Variants in PLXNA2 observed in about 807,000 individuals in gnomAD.
PLXNA2 encodes plexin A2, also known as plexin-A2.
A neutral mutation model predicts 193.5 loss-of-function variants in PLXNA2; 91 were observed. The ratio of observed to expected loss-of-function variants is 0.47; its 90% confidence interval spans 0.40 to 0.56. The LOEUF is 0.56. Among genes scored for constraint, PLXNA2 ranks in the 20% least tolerant of loss-of-function variants. The pLI is 0.00. For missense variants in PLXNA2, 1,995 were observed against 2,503.2 expected (o/e 0.80, Z 4.33); for synonymous variants, 997 against 1,027.3 (o/e 0.97, Z 0.56).
Position 208,043,216 on chromosome 1 carries a change from G to A in PLXNA2, c.3875-13C>T. The A allele has an allele frequency of 6.2e-7, 1 of 1,610,050 alleles. No homozygotes were observed. The highest frequency in any genetic ancestry group is 1.3e-5 in the African/African-American group (1 of 74,992). On this transcript the variant is annotated splice_polypyrimidine_tract_variant and intron_variant, in intron 20 of 31. Coordinates refer to ENST00000367033, the MANE Select transcript of PLXNA2 (RefSeq NM_025179.4). ...AGCTCAGCAAAAGCTATGAGAATAA[G>A]CAGACGGAGAGGCTCGTGGGGAAGC... is the stretch of plus-strand genomic sequence containing the variant.
intron 3 of PLXNA2, among the ~76,000 whole-genome samples, chr1:208,197,732 A>G (rs1437416641): frequency 2.0e-5 from 3 of 152,166 alleles, no homozygotes; most frequent in Non-Finnish European, 4.4e-5. Flanking sequence ...GGTTAGACAT[A>G]AAGCAGAACT....
At chr1:208,179,216 G>A (rs1669761606) in intron 3 of PLXNA2, among the ~76,000 whole-genome samples, 2 of 152,296 alleles carry the variant, frequency 1.3e-5, no homozygotes, top group South Asian at 4.1e-4. Flanking sequence ...CCTCGCCATT[G>A]AAGCTGGTAA....
rs1664227 is a variant in PLXNA2 at position 208,216,741 on chromosome 1, G to A, written c.1182C>T (p.Thr394=). The change falls in exon 2 of 32, where the codon ACC becomes ACT. Residue 394 remains threonine, a synonymous_variant. Coordinates refer to ENST00000367033, the MANE Select transcript of PLXNA2 (RefSeq NM_025179.4). ...NWLLGKDVQC[T]KAPVPIDDNF... ...GAGGTGTGTGCCTCCTTACCGCCTT[G>A]GTGCACTGGACGTCCTTCCCCAGCA... is the stretch of plus-strand genomic sequence containing the variant. 3 of 1,611,774 alleles carry A rather than the reference G, an allele frequency of 1.9e-6. No individual in the cohort carries two copies. Among genetic ancestry groups the A allele is most frequent in the Non-Finnish European group, 2.5e-6 (3 of 1,179,420 alleles).
At chr1:208,226,043 C>A (rs1045816540) in intron 1 of PLXNA2, among the ~76,000 whole-genome samples, 1 of 152,152 alleles carries the variant, frequency 6.6e-6, no homozygotes, top group African/African-American at 2.4e-5. Context: ...TGCAGGCACA[C>A]GAAAATTTGC....
At chr1:208,104,835 T>C (rs1667209747) in intron 4 of PLXNA2, among the ~76,000 whole-genome samples, 1 of 152,096 alleles carries the variant, frequency 6.6e-6, no homozygotes, top group African/African-American at 2.4e-5. Context: ...AAACATGAAA[T>C]GCAGGGAGAT....
At chr1:208,085,572 A>C (rs1666491805) in intron 9 of PLXNA2, among the ~76,000 whole-genome samples, 1 of 152,236 alleles carries the variant, frequency 6.6e-6, no homozygotes, top group Admixed American at 6.5e-5. Flanking sequence ...GTTCAATGAC[A>C]AAAATATTGT....
Position 208,026,501 on chromosome 1 carries a change from G to T in PLXNA2, c.*742C>A, listed in dbSNP as rs771395196. On this transcript the variant is annotated 3_prime_UTR_variant, in exon 32 of 32. Coordinates refer to ENST00000367033, the MANE Select transcript of PLXNA2 (RefSeq NM_025179.4). ...ATAAAGCTCAGTTTCCAGTCAGCCA[G>T]GGTGAGCTCTTGATGGCTTTGCAAT... 6.6e-6 allele frequency: 1 copy of T among 152,244 alleles called. No homozygotes were observed. Among genetic ancestry groups the T allele is most frequent in the Non-Finnish European group, 1.5e-5 (1 of 68,044 alleles). The allele number at this position is 152,244 out of a possible 1,614,324, so 9.4% of individuals were successfully genotyped here. A position where few individuals can be genotyped will look rare whatever the true frequency, so the allele number is the denominator to read the frequency against.
rs139821830 is a variant in PLXNA2, at chr1:208,075,475, C to T, written c.2586+3785G>A. ...TCCCATTACTGGCTTTGTTTACTTT[C>T]ATCAATTGGTTTAGGTGAGGTCTAC... On this transcript the variant is annotated intron_variant, in intron 12 of 31. Transcript: ENST00000367033. 4.6e-5 allele frequency among the ~76,000 whole-genome samples: 7 copies of T among 152,258 alleles called. No individual in the cohort carries two copies. In the East Asian group the frequency reaches 1.4e-3, roughly 29 times the overall value.
Position 208,236,504 on chromosome 1 carries a change from C to G in PLXNA2, c.-81+7139G>C, listed in dbSNP as rs1386402227. Reference sequence around the variant, plus strand: ...TGCTCCTGAACCTTCCACCCTCTCTCCCTTAAAGGGTGGAGCACACTGCCT... The same window carrying G: ...TGCTCCTGAACCTTCCACCCTCTCTGCCTTAAAGGGTGGAGCACACTGCCT... On this transcript the variant is annotated intron_variant, in intron 1 of 31. Coordinates refer to ENST00000367033, the MANE Select transcript of PLXNA2 (RefSeq NM_025179.4). The surrounding 1 kb of genome is among the most constrained non-coding windows in gnomAD (Gnocchi z 4.4). 1.3e-5 allele frequency among the ~76,000 whole-genome samples: 2 copies of G among 152,200 alleles called. No homozygotes were observed. Among genetic ancestry groups the G allele is most frequent in the Non-Finnish European group, 2.9e-5 (2 of 68,038 alleles).
chr1:208,184,564 G>C (rs1669940379), intron 3 of PLXNA2, among the ~76,000 whole-genome samples: 1 of 152,102 alleles, frequency 6.6e-6, no homozygotes, highest in Non-Finnish European at 1.5e-5. Flanking sequence ...ACACAGGCTG[G>C]GGATGAAGCA....
chr1:208,219,453 G>A (rs543912954), intron 1 of PLXNA2, among the ~76,000 whole-genome samples: 2 of 152,362 alleles, frequency 1.3e-5, no homozygotes, highest in South Asian at 4.1e-4. Context: ...TCAGCTGGAA[G>A]ATCATCCAGC....
At position 208,217,938 on chromosome 1, in the gene PLXNA2, G is replaced by A. The variant is rs770093316; in HGVS notation, c.-16C>T. The A allele has an allele frequency of 9.4e-5, 151 of 1,604,196 alleles. No homozygotes were observed. Among genetic ancestry groups the A allele is most frequent in the Non-Finnish European group, 1.2e-4 (136 of 1,179,546 alleles). On this transcript the variant is annotated 5_prime_UTR_variant, in exon 2 of 32. Transcript: ENST00000367033. This position sits in a 1 kb window ranked among gnomAD's most constrained non-coding sequence, Gnocchi z 4.7. ...TCTGTTCCATGCTGAGAGGGGCGGC[G>A]GTGAGGAGACGGCTCCTGTGTGTGC...
intron 3 of PLXNA2, among the ~76,000 whole-genome samples, chr1:208,186,714 T>TTTTTTTG (rs1670012856): frequency 1.0e-5 from 1 of 97,614 alleles, no homozygotes; most frequent in African/African-American, 4.2e-5. Context: ...TGTTATTTTA[T>TTTTTTTG]TTTTTTTTTT....
chr1:208,041,346 C>T (rs1161282119), intron 22 of PLXNA2, among the ~76,000 whole-genome samples: 1 of 152,160 alleles, frequency 6.6e-6, no homozygotes, highest in Admixed American at 6.5e-5. Context: ...GCCCGGCTCC[C>T]CACGGCCTCT....
At chr1:208,228,431 G>A (rs1370397235) in intron 1 of PLXNA2, among the ~76,000 whole-genome samples, 2 of 152,158 alleles carry the variant, frequency 1.3e-5, no homozygotes, top group Non-Finnish European at 2.9e-5. Flanking sequence ...CAGTGACATT[G>A]TCACCATCCA....
In PLXNA2 at chr1:208,033,336, G is replaced by T; in HGVS notation, c.5038C>A (p.Arg1680=). ...GGAGTTACCTTGGTGGCCAGTAGCCGGGTCAGGTAGATCTCGGACACCATC... is the reference window on the plus strand; with the variant it reads ...GGAGTTACCTTGGTGGCCAGTAGCCTGGTCAGGTAGATCTCGGACACCATC... ...SKMVSEIYLT[R]LLATKGTLQK... The change falls in exon 28 of 32, where the codon CGG becomes AGG. Residue 1680 remains arginine (R), a synonymous_variant. Transcript: ENST00000367033. 1 of 1,613,202 alleles carries T rather than the reference G, an allele frequency of 6.2e-7. No individual in the cohort carries two copies. The highest frequency in any genetic ancestry group is 8.5e-7 in the Non-Finnish European group (1 of 1,179,354).
intron 10 of PLXNA2, among the ~76,000 whole-genome samples, chr1:208,083,749 C>T (rs958312143): frequency 1.3e-5 from 2 of 152,140 alleles, no homozygotes; most frequent in Non-Finnish European, 2.9e-5. Flanking sequence ...ACACCTCATG[C>T]TCTCTGTCTG....
intron 12 of PLXNA2, among the ~76,000 whole-genome samples, chr1:208,068,182 C>T (rs376653534): frequency 5.0e-4 from 76 of 152,184 alleles, no homozygotes; most frequent in Admixed American, 1.9e-3. Context: ...CTGCCTGGAA[C>T]GAGTAACTGT....
intron 29 of PLXNA2, 123 bp from the exon 30 acceptor site, chr1:208,029,165 A>G: frequency 1.3e-6 from 2 of 1,482,696 alleles, no homozygotes; most frequent in South Asian, 2.7e-5. Context: ...AGTAAAATGG[A>G]AGAAAATGGG....
Sources: allele counts gnomAD v4.1 joint callset (sites outside exome capture counted in the v4.1 genomes callset), GRCh38; gene constraint gnomAD v4.1.1; non-coding constraint Gnocchi (gnomAD v3.1); transcripts MANE v1.5; gene names NCBI Gene and HGNC (gene_info 2026-07-23, HGNC 2026-07-21).